Variants in SHC4 observed in about 807,000 individuals in gnomAD.
SHC4 encodes SHC-transforming protein 4.
A neutral mutation model predicts 69.4 loss-of-function variants in SHC4; 41 were observed. The observed-to-expected ratio is 0.59, with a 90% CI of 0.46 to 0.77. SHC4 has a LOEUF of 0.77. SHC4 is among the 30% of genes least tolerant of loss of function. The pLI, the probability that SHC4 is intolerant of heterozygous loss-of-function variation, is 0.00. For missense variants in SHC4, 777 were observed against 783.8 expected (o/e 0.99, Z 0.10); for synonymous variants, 318 against 299.3 (o/e 1.06, Z -0.64).
Position 48,843,568 on chromosome 15 carries a change from C to G in SHC4, c.1324G>C (p.Val442Leu). The change falls in exon 10 of 12, where the codon GTG becomes CTG. Residue 442 changes from valine (V) to leucine (L), a missense_variant. Physicochemically the swap from Val to Leu is conservative, Grantham distance 32 (BLOSUM62 1). Coordinates refer to ENST00000332408, the MANE Select transcript of SHC4 (RefSeq NM_203349.4). ...AATGAGGTATCTCGCTGGGACTGCA[C>G]CCCTCTTGGATGGACATTACCTGTA... ...RAIGNVHPRG[V>L]QSQRDTSLLK... 6.2e-7 allele frequency: 1 copy of G among 1,614,034 alleles called. No homozygotes were observed. Among genetic ancestry groups the G allele is most frequent in the Non-Finnish European group, 8.5e-7 (1 of 1,179,928 alleles).
chr15:48,856,083 T>A lies in SHC4; in HGVS notation c.1112A>T (p.Asp371Val). 23 of 1,613,804 alleles carry A rather than the reference T, an allele frequency of 1.4e-5. No individual in the cohort carries two copies. The highest frequency in any genetic ancestry group is 1.7e-5 in the Non-Finnish European group (20 of 1,179,786). ...TGGAATTTCATTGTAATATTCATGA[T>A]CTTCTCTCTCCTCGGCATGGCTATC... Reference protein sequence around the residue: ...HIDSHAEEREDHEYYNEIPGK... With the variant: ...HIDSHAEEREVHEYYNEIPGK... The change falls in exon 8 of 12, where the codon GAT becomes GTT. Residue 371 changes from aspartate to valine, a missense_variant. Coordinates refer to ENST00000332408, the MANE Select transcript of SHC4 (RefSeq NM_203349.4).
intron 5 of SHC4, among the ~76,000 whole-genome samples, chr15:48,871,799 C>A (rs1899682661): frequency 6.6e-6 from 1 of 152,192 alleles, no homozygotes; most frequent in Admixed American, 6.5e-5. Flanking sequence ...ATATTATCAA[C>A]AAGAAGCTTA....
Position 48,843,413 on chromosome 15 carries a change from G to A in SHC4, c.1479C>T (p.Cys493=), listed in dbSNP as rs775633615. 41 of 1,606,948 alleles carry A rather than the reference G, an allele frequency of 2.6e-5. 1 individual carries two copies. In the South Asian group the frequency reaches 2.7e-4, roughly 10 times the overall value. The change falls in exon 10 of 12, where the codon TGC becomes TGT. Residue 493 remains cysteine, a synonymous_variant. Transcript: ENST00000332408. The part of the protein sequence containing the change: ...SAQPLGSPWH[C]GKAPETVQPG... Reference sequence around the variant, plus strand: ...AGACAGTGAGTAGCTACTTACTTCCGCAGTGCCATGGGCTCCCCAGTGGTT... The same window carrying A: ...AGACAGTGAGTAGCTACTTACTTCCACAGTGCCATGGGCTCCCCAGTGGTT...
At chr15:48,895,043 G>T (rs1900200752) in intron 2 of SHC4, among the ~76,000 whole-genome samples, 1 of 151,964 alleles carries the variant, frequency 6.6e-6, no homozygotes, top group South Asian at 2.1e-4. Context: ...GGGCTCAAGT[G>T]AGTCTCCCAC....
At chr15:48,866,724 A>T (rs747795379) in intron 6 of SHC4, among the ~76,000 whole-genome samples, 5 of 152,166 alleles carry the variant, frequency 3.3e-5, no homozygotes, top group Non-Finnish European at 7.3e-5. Context: ...TCCCATGTAC[A>T]TTTCCACCTC....
At chr15:48,913,958 C>G (rs1900565333) in intron 2 of SHC4, among the ~76,000 whole-genome samples, 1 of 152,182 alleles carries the variant, frequency 6.6e-6, no homozygotes, top group Non-Finnish European at 1.5e-5. Context: ...GGGGGTTCTC[C>G]TGGGTCCTGC....
At chr15:48,849,064 G>A (rs150719928) in intron 9 of SHC4, among the ~76,000 whole-genome samples, 8 of 152,254 alleles carry the variant, frequency 5.3e-5, no homozygotes, top group Non-Finnish European at 8.8e-5. Flanking sequence ...TGGGAAGGGA[G>A]GTATTTGGGC....
rs1374029165 is a variant in SHC4 at position 48,851,254 on chromosome 15, T to A, written c.1243-6A>T. 1 of 1,613,966 alleles carries A rather than the reference T, an allele frequency of 6.2e-7. No homozygotes were observed. Among genetic ancestry groups the A allele is most frequent in the African/African-American group, 1.3e-5 (1 of 75,056 alleles). Reference sequence around the variant, plus strand: ...CTGCACTTGGAGTTTCCAGGCTGCATGAACAACAAATTATGAAACATTTAC... The same window carrying A: ...CTGCACTTGGAGTTTCCAGGCTGCAAGAACAACAAATTATGAAACATTTAC... On this transcript the variant is annotated splice_polypyrimidine_tract_variant and splice_region_variant and intron_variant, in intron 8 of 11. Coordinates refer to ENST00000332408, the MANE Select transcript of SHC4 (RefSeq NM_203349.4).
intron 1 of SHC4, among the ~76,000 whole-genome samples, chr15:48,930,159 TAAG>T (rs1900933840): frequency 6.6e-6 from 1 of 152,230 alleles, no homozygotes; most frequent in African/African-American, 2.4e-5. Context: ...TGCAGGATAA[TAAG>T]AAACTAACAG....
intron 10 of SHC4, among the ~76,000 whole-genome samples, chr15:48,842,518 A>G (rs1438571721): frequency 6.6e-6 from 1 of 152,244 alleles, no homozygotes; most frequent in African/African-American, 2.4e-5. Context: ...GCTCTAATCG[A>G]TATTAACTAT....
chr15:48,902,944 C>A (rs1900342950), intron 2 of SHC4, among the ~76,000 whole-genome samples: 1 of 152,084 alleles, frequency 6.6e-6, no homozygotes, highest in Non-Finnish European at 1.5e-5. Flanking sequence ...AGAGTTATGC[C>A]CCCTTAAACT....
intron 1 of SHC4, chr15:48,947,710 C>T (rs759757817): frequency 3.3e-5 from 5 of 152,100 alleles, no homozygotes; most frequent in Admixed American, 6.6e-5. Context: ...TGATAGTTAA[C>T]GTCATCACAC....
intron 1 of SHC4, among the ~76,000 whole-genome samples, chr15:48,948,988 C>T (rs151066813): frequency 1.9e-4 from 29 of 152,274 alleles, no homozygotes; most frequent in African/African-American, 6.3e-4. Flanking sequence ...GAACCTCATC[C>T]GTTCCCTCTC....
intron 1 of SHC4, among the ~76,000 whole-genome samples, chr15:48,930,979 G>T (rs1291701972): frequency 2.0e-5 from 3 of 152,206 alleles, no homozygotes; most frequent in African/African-American, 7.2e-5. Flanking sequence ...CTTCCTCAAA[G>T]TTCCTTTAGT....
chr15:48,903,524 G>A (rs1900351521), intron 2 of SHC4, among the ~76,000 whole-genome samples: 1 of 152,072 alleles, frequency 6.6e-6, no homozygotes, highest in African/African-American at 2.4e-5. Context: ...CAGATGCTTT[G>A]GGGGACTTTC....
chr15:48,904,678 GA>G (rs1326300901), intron 2 of SHC4, among the ~76,000 whole-genome samples: 6 of 152,148 alleles, frequency 3.9e-5, no homozygotes, highest in African/African-American at 1.2e-4. Context: ...TAGAGTTTGA[GA>G]CCAGCCTGGG....
intron 10 of SHC4, among the ~76,000 whole-genome samples, chr15:48,840,973 G>A (rs1898978851): frequency 6.6e-6 from 1 of 152,148 alleles, no homozygotes. Context: ...TACAATTTTG[G>A]ACAAGGCAGA....
At chr15:48,928,231 T>A (rs1900891606) in intron 1 of SHC4, among the ~76,000 whole-genome samples, 1 of 152,158 alleles carries the variant, frequency 6.6e-6, no homozygotes. Context: ...TTATTTTTGT[T>A]GTTCTTCATT....
Position 48,934,252 on chromosome 15 carries a change from A to C in SHC4, c.586-9303T>G, listed in dbSNP as rs575705421. On this transcript the variant is annotated intron_variant, in intron 1 of 11. Transcript: ENST00000332408. ...ACAACCCAATGATAAAAAGACAAATAACCCAATTTAAAAATGGACAAAAGA... is the reference window on the plus strand; with the variant it reads ...ACAACCCAATGATAAAAAGACAAATCACCCAATTTAAAAATGGACAAAAGA... Among the ~76,000 whole-genome samples the C allele has an allele frequency of 7.2e-5, 11 of 152,306 alleles. No individual in the cohort carries two copies. The South Asian group carries it at 2.3e-3, about 32-fold the overall frequency.
Sources: allele counts gnomAD v4.1 joint callset (sites outside exome capture counted in the v4.1 genomes callset), GRCh38; gene constraint gnomAD v4.1.1; transcripts MANE v1.5; gene names NCBI Gene and HGNC (gene_info 2026-07-23, HGNC 2026-07-21).